Variants in ADAMTS3 observed in about 807,000 individuals in gnomAD.
The protein encoded by ADAMTS3 is ADAM metallopeptidase with thrombospondin type 1 motif 3.
ADAMTS3 carries 73 observed loss-of-function variants against 129.0 expected under a neutral mutation model. The ratio of observed to expected loss-of-function variants is 0.57; its 90% CI spans 0.47 to 0.69. ADAMTS3 has a LOEUF of 0.69. ADAMTS3 is among the 30% of genes least tolerant of loss of function. The pLI is 0.00. For missense variants in ADAMTS3, 1,457 were observed against 1,514.5 expected (o/e 0.96, Z 0.63); for synonymous variants, 477 against 510.8 (o/e 0.93, Z 0.89).
At chr4:72,519,247 A>T (rs1006598068) in intron 3 of ADAMTS3, among the ~76,000 whole-genome samples, 1 of 152,188 alleles carries the variant, frequency 6.6e-6, no homozygotes, top group East Asian at 1.9e-4. Context: ...GTAACCTGAC[A>T]TTTCTCTCTG....
At chr4:72,410,398 G>A (rs1478336025) in intron 4 of ADAMTS3, among the ~76,000 whole-genome samples, 2 of 152,122 alleles carry the variant, frequency 1.3e-5, no homozygotes, top group African/African-American at 2.4e-5. Context: ...GCAGGAAAAT[G>A]AAAATCCTGA....
intron 3 of ADAMTS3, among the ~76,000 whole-genome samples, chr4:72,519,530 T>C (rs547329884): frequency 5.3e-5 from 8 of 152,270 alleles, no homozygotes; most frequent in African/African-American, 1.7e-4. Flanking sequence ...GGAGGCTTTG[T>C]TCATTTCTTT....
intron 5 of ADAMTS3, among the ~76,000 whole-genome samples, chr4:72,335,227 C>T (rs189223768): frequency 2.6e-5 from 4 of 152,262 alleles, no homozygotes; most frequent in Admixed American, 2.6e-4. Flanking sequence ...TATTTTAGCT[C>T]TTTGTGCCTG....
intron 3 of ADAMTS3, among the ~76,000 whole-genome samples, chr4:72,446,992 G>A (rs1286061777): frequency 6.6e-6 from 1 of 151,644 alleles, no homozygotes; most frequent in African/African-American, 2.4e-5. Flanking sequence ...AGGTTAAACA[G>A]TCTTTTCTTG....
chr4:72,421,353 C>G (rs1722440518), intron 3 of ADAMTS3, among the ~76,000 whole-genome samples: 1 of 152,212 alleles, frequency 6.6e-6, no homozygotes, highest in Admixed American at 6.5e-5. Context: ...TGGGCATGGG[C>G]TTTGCCATAT....
chr4:72,492,788 T>C (rs955091270), intron 3 of ADAMTS3, among the ~76,000 whole-genome samples: 5 of 151,912 alleles, frequency 3.3e-5, no homozygotes, highest in Non-Finnish European at 4.4e-5. Flanking sequence ...CCACCTATTC[T>C]TGTAAATATG....
rs1237009713 is a variant in ADAMTS3 at position 72,281,124 on chromosome 4, G to C, written c.*2012C>G. ...ATGTACATCTTTATGGAAACTGTTTGTGTGACCATCTTTATCTTCCCCTGT... is the reference window on the plus strand; with the variant it reads ...ATGTACATCTTTATGGAAACTGTTTCTGTGACCATCTTTATCTTCCCCTGT... On this transcript the variant is annotated 3_prime_UTR_variant, in exon 22 of 22. Coordinates refer to ENST00000286657, the MANE Select transcript of ADAMTS3 (RefSeq NM_014243.3). The C allele has an allele frequency of 6.6e-6, 1 of 152,472 alleles. No individual in the cohort carries two copies. Among genetic ancestry groups the C allele is most frequent in the African/African-American group, 2.4e-5 (1 of 41,386 alleles). The allele number at this position is 152,472 out of a possible 1,614,324, so 9.4% of individuals were successfully genotyped here.
intron 3 of ADAMTS3, among the ~76,000 whole-genome samples, chr4:72,427,745 G>A (rs1399349997): frequency 6.6e-6 from 1 of 152,046 alleles, no homozygotes; most frequent in Non-Finnish European, 1.5e-5. Flanking sequence ...CAAGTGAGAG[G>A]CAAAGAGACA....
chr4:72,352,013 T>A (rs908367262), intron 4 of ADAMTS3, among the ~76,000 whole-genome samples: 1 of 151,142 alleles, frequency 6.6e-6, no homozygotes, highest in South Asian at 2.1e-4. Flanking sequence ...CAAAAAAAAA[T>A]CATCTTGTGA....
At chr4:72,422,484 A>G (rs1722471779) in intron 3 of ADAMTS3, among the ~76,000 whole-genome samples, 1 of 152,138 alleles carries the variant, frequency 6.6e-6, no homozygotes, top group South Asian at 2.1e-4. Context: ...TATGTTAAAC[A>G]TATTTTATTT....
chr4:72,563,263 AT>A (rs1468846121), intron 2 of ADAMTS3, among the ~76,000 whole-genome samples: 2 of 152,218 alleles, frequency 1.3e-5, no homozygotes, highest in East Asian at 3.9e-4. Flanking sequence ...CACCATAATC[AT>A]GCTCAATGGA....
In ADAMTS3 at chr4:72,319,729, G is replaced by GAC. The variant is rs1719502600; in HGVS notation, c.1208+128_1208+129insGT. 3.5e-6 allele frequency: 3 copies of GAC among 847,750 alleles called. No homozygotes were observed. In the African/African-American group the frequency reaches 5.1e-5, roughly 14 times the overall value. The allele number at this position is 847,750 out of a possible 1,614,324, so 52.5% of individuals were successfully genotyped here. A position where few individuals can be genotyped will look rare whatever the true frequency, so the allele number is the denominator to read the frequency against. On this transcript the variant is annotated intron_variant, in intron 8 of 21. Coordinates refer to ENST00000286657, the MANE Select transcript of ADAMTS3 (RefSeq NM_014243.3). ...GTGCATGACCTCTTCTCTGTTTGCA[G>GAC]CTCTTCACACTTGGCAAAAGACAAG...
At chr4:72,555,288 C>T (rs574312773) in intron 2 of ADAMTS3, among the ~76,000 whole-genome samples, 1 of 150,578 alleles carries the variant, frequency 6.6e-6, no homozygotes. Context: ...AATATCATCT[C>T]TCATATTAGC....
intron 3 of ADAMTS3, among the ~76,000 whole-genome samples, chr4:72,517,524 G>T (rs1004598881): frequency 1.4e-4 from 21 of 152,198 alleles, no homozygotes; most frequent in Non-Finnish European, 1.6e-4. Flanking sequence ...GCCTGTTATT[G>T]GTCTATTCAG....
chr4:72,289,856 A>C (rs1353431575), intron 20 of ADAMTS3, among the ~76,000 whole-genome samples: 1 of 152,180 alleles, frequency 6.6e-6, no homozygotes. Context: ...TGGACTCTGC[A>C]GCCTCCAGAA....
chr4:72,474,389 A>G (rs890335304), intron 3 of ADAMTS3, among the ~76,000 whole-genome samples: 9 of 152,198 alleles, frequency 5.9e-5, no homozygotes, highest in Non-Finnish European at 8.8e-5. Flanking sequence ...ATAAAGTATT[A>G]CAACAGAAAA....
At chr4:72,443,291 C>A (rs1718166017) in intron 3 of ADAMTS3, among the ~76,000 whole-genome samples, 1 of 151,664 alleles carries the variant, frequency 6.6e-6, no homozygotes, top group African/African-American at 2.4e-5. Flanking sequence ...ATAATTATAT[C>A]ATGTTATAAT....
chr4:72,462,404 C>T (rs1165574631), intron 3 of ADAMTS3, among the ~76,000 whole-genome samples: 6 of 151,946 alleles, frequency 3.9e-5, no homozygotes, highest in Non-Finnish European at 7.4e-5. Context: ...TGAAACAATG[C>T]GCAGTCATGA....
At chr4:72,504,088 T>C (rs560117235) in intron 3 of ADAMTS3, among the ~76,000 whole-genome samples, 2 of 152,290 alleles carry the variant, frequency 1.3e-5, no homozygotes, top group Admixed American at 6.5e-5. Flanking sequence ...GTTTAGAACA[T>C]TTACATTTTA....
Sources: allele counts gnomAD v4.1 joint callset (sites outside exome capture counted in the v4.1 genomes callset), GRCh38; gene constraint gnomAD v4.1.1; transcripts MANE v1.5; gene names NCBI Gene and HGNC (gene_info 2026-07-23, HGNC 2026-07-21).